The following FLI1 variants were observed in gnomAD, a reference collection of about 807,000 sequenced individuals.
FLI1 encodes Fli-1 proto-oncogene, ETS transcription factor.
FLI1 carries 13 observed loss-of-function variants against 53.1 expected under a neutral mutation model. The ratio of observed to expected loss-of-function variants is 0.24; its 90% confidence interval spans 0.16 to 0.39. The LOEUF (loss-of-function observed/expected upper bound fraction) is 0.39. FLI1 is among the 10% of genes least tolerant of loss of function. The probability of loss-of-function intolerance (pLI) is 1.00; values close to 1 mark genes in which losing one functional copy is unlikely to be tolerated. For missense variants in FLI1, 424 were observed against 600.5 expected (o/e 0.71, Z 3.07); for synonymous variants, 244 against 236.7 (o/e 1.03, Z -0.28).
At chr11:128,756,079 G>A (rs950404448) in intron 1 of FLI1, among the ~76,000 whole-genome samples, 2 of 152,230 alleles carry the variant, frequency 1.3e-5, no homozygotes, top group Non-Finnish European at 2.9e-5. Context: ...AATTACACAA[G>A]GAAGGTAGAC....
intron 1 of FLI1, among the ~76,000 whole-genome samples, chr11:128,735,288 G>A (rs1939872985): frequency 6.6e-6 from 1 of 152,196 alleles, no homozygotes; most frequent in Non-Finnish European, 1.5e-5. Context: ...CCATTAAAAA[G>A]AGACAGAGGC....
At chr11:128,764,444 G>T (rs372516304) in intron 2 of FLI1, among the ~76,000 whole-genome samples, 1 of 152,164 alleles carries the variant, frequency 6.6e-6, no homozygotes, top group Non-Finnish European at 1.5e-5. Flanking sequence ...ACACCCTTGG[G>T]GCCACCGCCA....
At chr11:128,735,498 T>C (rs1325230602) in intron 1 of FLI1, among the ~76,000 whole-genome samples, 1 of 152,276 alleles carries the variant, frequency 6.6e-6, no homozygotes, top group Non-Finnish European at 1.5e-5. Context: ...TACCATTTGA[T>C]TTTAATTTTC....
chr11:128,764,621 C>T (rs1195985902), intron 2 of FLI1: 1 of 1,528,650 alleles, frequency 6.5e-7, no homozygotes, highest in African/African-American at 1.4e-5. Flanking sequence ...ACTCCCCCTC[C>T]CTCTTGTTTT....
intron 5 of FLI1, among the ~76,000 whole-genome samples, chr11:128,800,235 C>A (rs941077571): frequency 2.0e-5 from 3 of 152,206 alleles, no homozygotes; most frequent in Non-Finnish European, 4.4e-5. Flanking sequence ...AGAAGCCAGG[C>A]TTTCCAAGGA....
chr11:128,803,691 T>C (rs1733805353), intron 5 of FLI1, among the ~76,000 whole-genome samples: 1 of 152,134 alleles, frequency 6.6e-6, no homozygotes, highest in African/African-American at 2.4e-5. Flanking sequence ...ATGCACACAA[T>C]ACAGTGCAGA....
chr11:128,693,715 G>A (rs147480270), upstream of FLI1: 11 of 233,296 alleles, frequency 4.7e-5, no homozygotes, highest in Non-Finnish European at 8.5e-6. Context: ...CGGGAATCAG[G>A]GCGCGGACGC....
intron 1 of FLI1, among the ~76,000 whole-genome samples, chr11:128,739,064 G>A (rs1940022091): frequency 6.6e-6 from 1 of 152,186 alleles, no homozygotes; most frequent in Non-Finnish European, 1.5e-5. Flanking sequence ...CTGCGGATAA[G>A]CACCAAACTC....
intron 5 of FLI1, among the ~76,000 whole-genome samples, chr11:128,783,636 C>T (rs969595793): frequency 4.6e-5 from 7 of 152,266 alleles, no homozygotes; most frequent in East Asian, 1.9e-4. Flanking sequence ...TAGTGGCAAA[C>T]GCATTAGATT....
intron 1 of FLI1, among the ~76,000 whole-genome samples, chr11:128,708,381 G>A (rs1591740291): frequency 6.6e-6 from 1 of 152,170 alleles, no homozygotes; most frequent in Non-Finnish European, 1.5e-5. Context: ...AGCAAGCCTC[G>A]TTCTCCACCT....
At chr11:128,707,606 A>G (rs904272820) in intron 1 of FLI1, among the ~76,000 whole-genome samples, 5 of 152,106 alleles carry the variant, frequency 3.3e-5, no homozygotes, top group African/African-American at 1.2e-4. Context: ...CTATAAACAT[A>G]CTGAGTCTGA....
At chr11:128,709,300 T>G (rs1054236767) in intron 1 of FLI1, among the ~76,000 whole-genome samples, 2 of 152,248 alleles carry the variant, frequency 1.3e-5, no homozygotes, top group African/African-American at 4.8e-5. Context: ...GTTATTATCT[T>G]AGTTATTATT....
At chr11:128,777,672 A>G (rs1941778334) in intron 4 of FLI1, among the ~76,000 whole-genome samples, 1 of 152,218 alleles carries the variant, frequency 6.6e-6, no homozygotes, top group South Asian at 2.1e-4. Flanking sequence ...AAGATCCCAG[A>G]GCCTTGCACC....
At chr11:128,698,555 A>G (rs1938184944) in intron 1 of FLI1, among the ~76,000 whole-genome samples, 1 of 152,232 alleles carries the variant, frequency 6.6e-6, no homozygotes, top group Admixed American at 6.5e-5. Context: ...GAATTGTCCA[A>G]GATCATACAG....
intron 4 of FLI1, among the ~76,000 whole-genome samples, chr11:128,773,905 A>G (rs1204933874): frequency 6.6e-6 from 1 of 152,014 alleles, no homozygotes; most frequent in Non-Finnish European, 1.5e-5. Flanking sequence ...GTGCAAAGAC[A>G]GGGCAGCCTT....
chr11:128,701,447 C>A (rs1307833155), intron 1 of FLI1, among the ~76,000 whole-genome samples: 2 of 152,116 alleles, frequency 1.3e-5, no homozygotes. Context: ...GACACTTCAC[C>A]CCAGCAAACC....
intron 1 of FLI1, among the ~76,000 whole-genome samples, chr11:128,713,348 T>C (rs533449397): frequency 6.6e-6 from 1 of 152,366 alleles, no homozygotes; most frequent in Admixed American, 6.5e-5. Flanking sequence ...CTTCTTCAGT[T>C]TAAAACATTC....
intron 1 of FLI1, among the ~76,000 whole-genome samples, chr11:128,750,456 G>A (rs191058367): frequency 1.3e-5 from 2 of 152,314 alleles, no homozygotes; most frequent in Non-Finnish European, 2.9e-5. Flanking sequence ...TCCACTTCTG[G>A]CATTTTTCCT....
chr11:128,768,319 T>C (rs753960482), intron 3 of FLI1, 47 bp downstream of exon 3: 3 of 1,486,432 alleles, frequency 2.0e-6, no homozygotes, highest in East Asian at 2.3e-5. Context: ...TTCCCCACTC[T>C]CTGGGGGGGC....
Sources: allele counts gnomAD v4.1 joint callset (sites outside exome capture counted in the v4.1 genomes callset), GRCh38; gene constraint gnomAD v4.1.1; transcripts MANE v1.5; gene names NCBI Gene and HGNC (gene_info 2026-07-23, HGNC 2026-07-21).